The following TDRD12 variants were observed in gnomAD, a reference collection of about 807,000 sequenced individuals.
The protein encoded by TDRD12 is putative ATP-dependent RNA helicase TDRD12.
TDRD12 carries 158 observed loss-of-function variants against 133.5 expected under a neutral mutation model. The observed-to-expected ratio is 1.18, with a 90% confidence interval of 1.04 to 1.35. The LOEUF is 1.35. TDRD12 is among the 40% of genes most tolerant of loss of function. The probability of loss-of-function intolerance (pLI) is 0.00; values close to 1 mark genes in which losing one functional copy is unlikely to be tolerated. For missense variants in TDRD12, 1,443 were observed against 1,321.3 expected (o/e 1.09, Z -1.43); for synonymous variants, 460 against 477.9 (o/e 0.96, Z 0.49).
intron 16 of TDRD12, among the ~76,000 whole-genome samples, chr19:32,799,857 C>G (rs1418302012): frequency 1.3e-5 from 2 of 151,056 alleles, no homozygotes; most frequent in East Asian, 3.9e-4. Flanking sequence ...GCCTCAGCCT[C>G]CCGAGTAGCT....
At chr19:32,806,853 G>A (rs1370833034) in intron 21 of TDRD12, among the ~76,000 whole-genome samples, 5 of 151,680 alleles carry the variant, frequency 3.3e-5, no homozygotes, top group Non-Finnish European at 7.4e-5. Flanking sequence ...GTAGAGACGG[G>A]GTTTCACCAT....
intron 5 of TDRD12, among the ~76,000 whole-genome samples, chr19:32,749,081 G>T (rs973519601): frequency 6.6e-6 from 1 of 152,108 alleles, no homozygotes; most frequent in African/African-American, 2.4e-5. Flanking sequence ...AAACACCTGG[G>T]GTGCTGCCTG....
At chr19:32,745,167 C>T (rs1178341304) in intron 4 of TDRD12, among the ~76,000 whole-genome samples, 4 of 152,240 alleles carry the variant, frequency 2.6e-5, no homozygotes, top group African/African-American at 9.6e-5. Flanking sequence ...CGGCCCACTG[C>T]CCACCCTTCA....
At chr19:32,825,380 GTTGT>G (rs771570863), downstream of TDRD12, among the ~76,000 whole-genome samples, 31 of 152,176 alleles carry the variant, frequency 2.0e-4, no homozygotes, top group Non-Finnish European at 4.6e-4. The surrounding 1 kb of genome is among the most constrained non-coding windows in gnomAD (Gnocchi z 4.1). Context: ...TTCACATTGC[GTTGT>G]TTGAGAATAT....
chr19:32,827,203 TGGTTGAAGACAGTAGCAGCACTTCAGA>T (rs1967619343), exon 10 of TDRD12: 1 of 1,231,906 alleles, frequency 8.1e-7, no homozygotes, highest in Non-Finnish European at 1.0e-6. Context: ...GTGACAGAGG[TGGTTGAAGACAGTAGCAGCACTTCAGA>T]GGATGACGAC....
rs1368369315 is a variant in TDRD12, at chr19:32,807,658, G to A, written c.2652+10G>A. ...ATTTGGATACATTAAAGTAGGTTTG[G>A]TTAAAGATGCTTGTGTCCTCTGACG... On this transcript the variant is annotated intron_variant, in intron 22 of 27. Coordinates refer to ENST00000444215, the Ensembl canonical transcript of TDRD12. 5 of 1,505,776 alleles carry A rather than the reference G, an allele frequency of 3.3e-6. No individual in the cohort carries two copies. The South Asian group carries it at 5.0e-5, about 15-fold the overall frequency. 93.3% of individuals were successfully genotyped at this position (1,505,776 alleles called of 1,614,324 possible). A position where few individuals can be genotyped will look rare whatever the true frequency, so the allele number is the denominator to read the frequency against.
chr19:32,794,040 C>T (rs184126269), intron 13 of TDRD12, among the ~76,000 whole-genome samples: 10 of 147,114 alleles, frequency 6.8e-5, no homozygotes, highest in East Asian at 4.1e-4. Context: ...GTGATCTGCT[C>T]GCCTTGACCT....
At chr19:32,822,579 C>G (rs1967438196), downstream of TDRD12, among the ~76,000 whole-genome samples, 1 of 152,030 alleles carries the variant, frequency 6.6e-6, no homozygotes, top group Non-Finnish European at 1.5e-5. Context: ...AACCCCGTCT[C>G]TACTAAAAAT....
intron 4 of TDRD12, among the ~76,000 whole-genome samples, chr19:32,746,034 T>C (rs1969607848): frequency 7.1e-6 from 1 of 140,432 alleles, no homozygotes; most frequent in Non-Finnish European, 1.5e-5. Flanking sequence ...CTGATGTGGT[T>C]ATTCTGTGTG....
intron 12 of TDRD12, 98 bp from the exon 13 acceptor site, chr19:32,790,866 A>T (rs566247022): frequency 1.4e-6 from 2 of 1,472,376 alleles, no homozygotes; most frequent in Non-Finnish European, 1.8e-6. Flanking sequence ...AGGTGTTTAC[A>T]TTGAAATCTA....
chr19:32,731,196 CATT>C (rs2145433283), intron 1 of TDRD12, among the ~76,000 whole-genome samples: 1 of 152,114 alleles, frequency 6.6e-6, no homozygotes, highest in South Asian at 2.1e-4. Context: ...GTTTATCTGC[CATT>C]ATTATTTTTT....
chr19:32,827,361 T>G (rs940622487), exon 10 of TDRD12: 76 of 453,304 alleles, frequency 1.7e-4, no homozygotes, highest in Middle Eastern at 7.8e-4. Context: ...CAAATCTTTT[T>G]CTTTTCTTTT....
At chr19:32,801,072 T>C (rs1971373923) in intron 18 of TDRD12, among the ~76,000 whole-genome samples, 1 of 151,880 alleles carries the variant, frequency 6.6e-6, no homozygotes, top group Non-Finnish European at 1.5e-5. Context: ...ACATCTTCTG[T>C]ACCCTCTGTT....
intron 25 of TDRD12, among the ~76,000 whole-genome samples, 186 bp from the exon 26 acceptor site, chr19:32,815,262 T>C (rs1050623050): frequency 6.6e-5 from 10 of 152,210 alleles, no homozygotes; most frequent in African/African-American, 2.4e-4. Flanking sequence ...CTGGATGATT[T>C]GGATGGAACC....
chr19:32,816,582 G>A (rs551265779), intron 26 of TDRD12, among the ~76,000 whole-genome samples: 22 of 152,246 alleles, frequency 1.4e-4, no homozygotes, highest in African/African-American at 4.3e-4. Flanking sequence ...AGGTAATGGC[G>A]CTTTAAACAT....
intron 21 of TDRD12, among the ~76,000 whole-genome samples, chr19:32,805,588 G>A (rs1971524125): frequency 1.3e-5 from 2 of 151,796 alleles, no homozygotes; most frequent in Admixed American, 6.6e-5. Context: ...TTGGCCTATT[G>A]GTCTAACTTT....
At chr19:32,826,456 G>A in exon 9 of TDRD12, 4 of 1,248,090 alleles carry the variant, frequency 3.2e-6, no homozygotes, top group Non-Finnish European at 4.0e-6. Flanking sequence ...GCTTGGGTGG[G>A]AGACAAATTT....
chr19:32,781,357 G>C (rs891927075), intron 11 of TDRD12, among the ~76,000 whole-genome samples: 2 of 152,150 alleles, frequency 1.3e-5, no homozygotes, highest in East Asian at 3.9e-4. Context: ...GCTTTGGTTT[G>C]TGCCTGATAT....
At chr19:32,740,571 G>A (rs996154246) in intron 3 of TDRD12, among the ~76,000 whole-genome samples, 1 of 152,128 alleles carries the variant, frequency 6.6e-6, no homozygotes, top group African/African-American at 2.4e-5. Flanking sequence ...TGCATCTCCT[G>A]CGTTCTCTGC....
Sources: allele counts gnomAD v4.1 joint callset (sites outside exome capture counted in the v4.1 genomes callset), GRCh38; gene constraint gnomAD v4.1.1; non-coding constraint Gnocchi (gnomAD v3.1); transcripts MANE v1.5; gene names NCBI Gene and HGNC (gene_info 2026-07-23, HGNC 2026-07-21).